The following SUPT3H variants were observed in gnomAD, a reference collection of about 807,000 sequenced individuals.
SUPT3H encodes the protein SPT3 homolog, SAGA and STAGA complex component, also known as transcription initiation protein SPT3 homolog.
SUPT3H carries 44 observed loss-of-function variants against 44.3 expected under a neutral mutation model. The ratio of observed to expected loss-of-function variants is 0.99; its 90% CI spans 0.78 to 1.28. The LOEUF is 1.28. SUPT3H is among the 50% of genes most tolerant of loss of function. The pLI is 0.00. For synonymous variants in SUPT3H, 124 were observed against 125.6 expected (o/e 0.99, Z 0.09); for missense variants, 380 against 387.1 (o/e 0.98, Z 0.15).
In SUPT3H at chr6:45,280,702, G is replaced by C. The variant is rs1295052796; in HGVS notation, c.101+84499C>G. 2.0e-5 allele frequency among the ~76,000 whole-genome samples: 3 copies of C among 152,124 alleles called. No homozygotes were observed. In the East Asian group the frequency reaches 5.8e-4, roughly 29 times the overall value. On this transcript the variant is annotated intron_variant, in intron 2 of 10. Transcript: ENST00000371459. ...ATGAACTGGTAATAAAAGGTCTATT[G>C]TGGATAAGAGGAAACCAACTACAGA... is the stretch of plus-strand genomic sequence containing the variant.
intron 9 of SUPT3H, among the ~76,000 whole-genome samples, chr6:44,937,671 TG>T (rs1247838131): frequency 2.0e-5 from 3 of 152,182 alleles, no homozygotes; most frequent in Non-Finnish European, 4.4e-5. Flanking sequence ...TGCATTTCTC[TG>T]ATTAGTGATG....
At chr6:44,849,362 G>A (rs1172656548) in intron 10 of SUPT3H, among the ~76,000 whole-genome samples, 2 of 149,374 alleles carry the variant, frequency 1.3e-5, no homozygotes, top group Non-Finnish European at 3.0e-5. Context: ...AAGTAGCTGG[G>A]ACTACAGGCG....
intron 2 of SUPT3H, among the ~76,000 whole-genome samples, chr6:45,267,531 T>C (rs766822546): frequency 3.9e-5 from 6 of 152,180 alleles, no homozygotes; most frequent in Non-Finnish European, 8.8e-5. Flanking sequence ...AGTTGAGATA[T>C]TAAGAAATTA....
intron 3 of SUPT3H, among the ~76,000 whole-genome samples, chr6:45,020,941 A>G (rs1188834353): frequency 2.0e-5 from 3 of 152,032 alleles, no homozygotes; most frequent in Non-Finnish European, 4.4e-5. Flanking sequence ...ATTTCATGAA[A>G]TTTTATCCTT....
intron 3 of SUPT3H, among the ~76,000 whole-genome samples, chr6:45,083,292 A>T (rs745798659): frequency 1.3e-5 from 2 of 151,846 alleles, no homozygotes; most frequent in Non-Finnish European, 2.9e-5. Flanking sequence ...CCCAGGTTCA[A>T]GCGATTCTCT....
intron 10 of SUPT3H, among the ~76,000 whole-genome samples, chr6:44,899,517 T>A (rs567054): frequency 1.3e-5 from 2 of 151,716 alleles, no homozygotes; most frequent in African/African-American, 4.8e-5. Context: ...GAAACCCCGT[T>A]TCTAATAAAA....
At chr6:45,015,135 A>G (rs1198018599) in intron 4 of SUPT3H, among the ~76,000 whole-genome samples, 3 of 152,124 alleles carry the variant, frequency 2.0e-5, no homozygotes, top group African/African-American at 7.2e-5. Flanking sequence ...CAATACTCAC[A>G]CATTGCTTAA....
chr6:45,009,091 T>C (rs1057107292), intron 5 of SUPT3H, among the ~76,000 whole-genome samples: 2 of 152,154 alleles, frequency 1.3e-5, no homozygotes, highest in African/African-American at 4.8e-5. Context: ...GAAATCTCTA[T>C]TCAGACCCTT....
At chr6:45,178,984 C>T (rs1363896244) in intron 2 of SUPT3H, among the ~76,000 whole-genome samples, 2 of 151,632 alleles carry the variant, frequency 1.3e-5, no homozygotes, top group Non-Finnish European at 2.9e-5. Context: ...AAATTGACAC[C>T]CTAACATCAC....
intron 10 of SUPT3H, among the ~76,000 whole-genome samples, chr6:44,896,610 G>A (rs1364769801): frequency 6.6e-6 from 1 of 152,146 alleles, no homozygotes. Flanking sequence ...AACAAAATTG[G>A]TTAACTGCAG....
chr6:44,976,908 A>C (rs1298699147), intron 6 of SUPT3H, among the ~76,000 whole-genome samples: 1 of 152,186 alleles, frequency 6.6e-6, no homozygotes, highest in Non-Finnish European at 1.5e-5. Context: ...TGCAATCATA[A>C]GTGCAAAACC....
intron 10 of SUPT3H, among the ~76,000 whole-genome samples, chr6:44,918,019 G>C (rs957186790): frequency 2.0e-5 from 3 of 152,022 alleles, no homozygotes; most frequent in Admixed American, 1.3e-4. Context: ...GATACAGCTG[G>C]TAACCTGTGA....
At chr6:44,983,757 T>C (rs1030834515) in intron 6 of SUPT3H, among the ~76,000 whole-genome samples, 1 of 152,210 alleles carries the variant, frequency 6.6e-6, no homozygotes. Flanking sequence ...AGAACCGTTT[T>C]TATTGAAATG....
intron 2 of SUPT3H, among the ~76,000 whole-genome samples, chr6:45,295,713 C>G (rs1412727620): frequency 3.3e-5 from 5 of 151,960 alleles, no homozygotes; most frequent in Non-Finnish European, 7.4e-5. Context: ...ACAGACAATT[C>G]TCAAAAGAAG....
rs907083302 is a variant in SUPT3H at position 44,827,945 on chromosome 6, C to T, written c.*1871G>A. ...TATGCCAGACCAACAAAAACACAGA[C>T]CTGTCATATTTCTGAGAGAAATGTA... is the stretch of plus-strand genomic sequence containing the variant. On this transcript the variant is annotated 3_prime_UTR_variant, in exon 11 of 11. Transcript: ENST00000371459. Among the ~76,000 whole-genome samples the T allele has an allele frequency of 6.6e-6, 1 of 152,034 alleles. No homozygotes were observed. Among genetic ancestry groups the T allele is most frequent in the Non-Finnish European group, 1.5e-5 (1 of 67,964 alleles).
At position 45,256,989 on chromosome 6, in the gene SUPT3H, G is replaced by A. The variant is rs539683737; in HGVS notation, c.101+108212C>T. On this transcript the variant is annotated intron_variant, in intron 2 of 10. Coordinates refer to ENST00000371459, the MANE Select transcript of SUPT3H (RefSeq NM_003599.4). ...TTGCTAGGTCATGTCGTAATTCGAC[G>A]TTTAATGGTTTGAGGAACTACTAGT... 2.6e-5 allele frequency among the ~76,000 whole-genome samples: 4 copies of A among 152,282 alleles called. 1 individual carries two copies. Among genetic ancestry groups the A allele is most frequent in the East Asian group, 3.9e-4 (2 of 5,180 alleles).
At chr6:45,088,994 TG>T (rs1184488090) in intron 3 of SUPT3H, among the ~76,000 whole-genome samples, 1 of 152,086 alleles carries the variant, frequency 6.6e-6, no homozygotes, top group East Asian at 1.9e-4. Flanking sequence ...CAGAATAAGA[TG>T]TATTCATCTG....
At chr6:45,037,532 T>C (rs570026932) in intron 3 of SUPT3H, among the ~76,000 whole-genome samples, 32 of 151,038 alleles carry the variant, frequency 2.1e-4, no homozygotes, top group African/African-American at 7.5e-4. Flanking sequence ...GGTGTTGTGA[T>C]GCATTCCTGT....
intron 10 of SUPT3H, among the ~76,000 whole-genome samples, chr6:44,834,392 G>C (rs1769430778): frequency 6.6e-6 from 1 of 152,056 alleles, no homozygotes; most frequent in African/African-American, 2.4e-5. Flanking sequence ...TCTCACTTTA[G>C]GTTATCTGTA....
Sources: gnomAD v4.1 joint callset for allele counts (sites outside exome capture counted in the v4.1 genomes callset) on GRCh38, gnomAD v4.1.1 for gene constraint, MANE v1.5 for transcripts, NCBI Gene and HGNC (gene_info 2026-07-23, HGNC 2026-07-21) for gene names.